The following SMPD3 variants were observed in gnomAD, a reference collection of about 807,000 sequenced individuals.
SMPD3 encodes sphingomyelin phosphodiesterase 3.
Under a neutral mutation model 55.7 loss-of-function variants are expected in SMPD3, and 21 were observed. That is an observed-to-expected ratio of 0.38 (90% CI 0.27 to 0.54). The LOEUF is 0.54. SMPD3 is among the 20% of genes least tolerant of loss of function. The pLI is 0.80. For missense variants in SMPD3, 842 were observed against 899.6 expected (o/e 0.94, Z 0.82); for synonymous variants, 457 against 404.3 (o/e 1.13, Z -1.56).
intron 1 of SMPD3, among the ~76,000 whole-genome samples, chr16:68,429,163 A>AT (rs1048674128): frequency 2.6e-5 from 4 of 152,140 alleles, no homozygotes; most frequent in African/African-American, 9.7e-5. Flanking sequence ...CCAGGGCTGG[A>AT]TTGCTAGTGG....
chr16:68,364,254 A>G (rs1002198178), intron 5 of SMPD3, among the ~76,000 whole-genome samples: 1 of 152,210 alleles, frequency 6.6e-6, no homozygotes, highest in Non-Finnish European at 1.5e-5. Context: ...CTAATGGTTT[A>G]AGGTGCAATT....
chr16:68,390,695 T>G lies in SMPD3; in HGVS notation c.-268-4036A>C, dbSNP rs184455251. ...AACAAAGAATAAGAATTCCTAACCT[T>G]CTGGGAATGCAGCCCAGCACGTCTC... On this transcript the variant is annotated intron_variant, in intron 1 of 8. Transcript: ENST00000219334. Among the ~76,000 whole-genome samples, 10 of 152,230 alleles carry G rather than the reference T, an allele frequency of 6.6e-5. No homozygotes were observed. The East Asian group carries it at 1.7e-3, about 26-fold the overall frequency.
chr16:68,418,952 A>T (rs1262805179), intron 1 of SMPD3, among the ~76,000 whole-genome samples: 1 of 152,064 alleles, frequency 6.6e-6, no homozygotes, highest in African/African-American at 2.4e-5. Context: ...GGAGAAAGGG[A>T]TGGTGTGAGT....
intron 1 of SMPD3, among the ~76,000 whole-genome samples, chr16:68,437,940 A>G (rs2090536629): frequency 6.6e-6 from 1 of 152,170 alleles, no homozygotes; most frequent in Non-Finnish European, 1.5e-5. Flanking sequence ...GGCAGGTCCA[A>G]AAAAATCTCC....
intron 1 of SMPD3, among the ~76,000 whole-genome samples, chr16:68,406,926 A>T (rs1293228419): frequency 1.3e-5 from 2 of 152,154 alleles, no homozygotes; most frequent in African/African-American, 4.8e-5. Flanking sequence ...ACATCGGGGC[A>T]TGGGGGTAGG....
chr16:68,418,319 G>T (rs2090355719), intron 1 of SMPD3, among the ~76,000 whole-genome samples: 1 of 151,534 alleles, frequency 6.6e-6, no homozygotes, highest in South Asian at 2.1e-4. Flanking sequence ...CACCTACTTG[G>T]CTGGAGGAAA....
chr16:68,390,068 G>C (rs1377586404), intron 1 of SMPD3, among the ~76,000 whole-genome samples: 1 of 152,214 alleles, frequency 6.6e-6, no homozygotes, highest in Non-Finnish European at 1.5e-5. Flanking sequence ...CCAGGAAGGG[G>C]GTGGGCAATT....
chr16:68,411,982 G>A (rs541291174), intron 1 of SMPD3, among the ~76,000 whole-genome samples: 2 of 152,252 alleles, frequency 1.3e-5, no homozygotes, highest in African/African-American at 2.4e-5. Context: ...AGACATGGTG[G>A]CTGGGAGGCC....
In SMPD3 at chr16:68,372,143, C is replaced by T. The variant is rs1039724827; in HGVS notation, c.39G>A (p.Leu13=). Residue 13 remains leucine, a synonymous_variant, in exon 3 of 9, where the codon CTG becomes CTA. Transcript: ENST00000219334. ...LYTTPFPNSC[L]SALHCVSWAL... ...CCCAGGACACACAGTGCAGGGCGGA[C>T]AGACAGCTGTTAGGAAAGGGGGTCG... is the stretch of plus-strand genomic sequence containing the variant. 9.9e-6 allele frequency: 16 copies of T among 1,612,732 alleles called. No individual in the cohort carries two copies. The highest frequency in any genetic ancestry group is 1.3e-5 in the Non-Finnish European group (15 of 1,179,636).
At chr16:68,438,165 G>C (rs2090538607) in intron 1 of SMPD3, among the ~76,000 whole-genome samples, 1 of 152,120 alleles carries the variant, frequency 6.6e-6, no homozygotes, top group African/African-American at 2.4e-5. Context: ...CTCCCTCACA[G>C]AGAAAGCCTC....
At chr16:68,441,652 T>G (rs2090566518) in intron 1 of SMPD3, among the ~76,000 whole-genome samples, 1 of 152,166 alleles carries the variant, frequency 6.6e-6, no homozygotes, top group South Asian at 2.1e-4. Context: ...TAATTGCCAC[T>G]AGACATATTT....
In SMPD3 at chr16:68,359,950, A is replaced by C. The variant is rs1436581713; in HGVS notation, c.*1256T>G. 1 of 152,326 alleles carries C rather than the reference A, an allele frequency of 6.6e-6. No individual in the cohort carries two copies. The highest frequency in any genetic ancestry group is 1.5e-5 in the Non-Finnish European group (1 of 68,146). 9.4% of individuals were successfully genotyped at this position (152,326 alleles called of 1,614,324 possible). ...TGCTGAACTTGGGTGCCAGTACCAC[A>C]CCCTGCCCTGGGCATGCAGCAACTG... On this transcript the variant is annotated 3_prime_UTR_variant, in exon 9 of 9. Coordinates refer to ENST00000219334, the MANE Select transcript of SMPD3 (RefSeq NM_018667.4).
At chr16:68,384,648 G>T (rs1418811674) in intron 2 of SMPD3, among the ~76,000 whole-genome samples, 2 of 152,174 alleles carry the variant, frequency 1.3e-5, no homozygotes, top group Non-Finnish European at 2.9e-5. Flanking sequence ...GGGTTGGGGG[G>T]TAAGGTGCTC....
intron 1 of SMPD3, 109 bp downstream of exon 1, chr16:68,448,244 G>C (rs2090625691): frequency 6.6e-6 from 1 of 152,344 alleles, no homozygotes; most frequent in Admixed American, 6.5e-5. Context: ...GGCTGTCCGG[G>C]ACCCGCGGTC....
At chr16:68,402,451 A>G (rs1004543339) in intron 1 of SMPD3, among the ~76,000 whole-genome samples, 1 of 152,194 alleles carries the variant, frequency 6.6e-6, no homozygotes, top group Non-Finnish European at 1.5e-5. Context: ...AGTCCCACAG[A>G]GCAGGGCCCA....
intron 1 of SMPD3, among the ~76,000 whole-genome samples, chr16:68,392,105 C>T (rs564583761): frequency 5.3e-5 from 8 of 152,182 alleles, no homozygotes; most frequent in East Asian, 3.9e-4. Flanking sequence ...TGGGCCAGGC[C>T]GGCCTCGAAA....
intron 1 of SMPD3, among the ~76,000 whole-genome samples, chr16:68,387,477 A>G (rs915829544): frequency 6.6e-6 from 1 of 152,038 alleles, no homozygotes; most frequent in Non-Finnish European, 1.5e-5. Flanking sequence ...CTTGCCCACT[A>G]GTCCCGCCCC....
chr16:68,403,142 T>C (rs541031584), intron 1 of SMPD3, among the ~76,000 whole-genome samples: 28 of 152,366 alleles, frequency 1.8e-4, no homozygotes, highest in African/African-American at 6.7e-4. Context: ...TATCACCCCC[T>C]TGGGATAGCT....
intron 1 of SMPD3, among the ~76,000 whole-genome samples, chr16:68,390,716 G>A (rs1474580090): frequency 2.0e-5 from 3 of 152,166 alleles, no homozygotes; most frequent in Non-Finnish European, 2.9e-5. Flanking sequence ...AGCCCAGCAC[G>A]TCTCAGCCTC....
Sources: allele counts gnomAD v4.1 joint callset (sites outside exome capture counted in the v4.1 genomes callset), GRCh38; gene constraint gnomAD v4.1.1; transcripts MANE v1.5; gene names NCBI Gene and HGNC (gene_info 2026-07-23, HGNC 2026-07-21).